The following SERGEF variants were observed in gnomAD, a reference collection of about 807,000 sequenced individuals.
The protein encoded by SERGEF is secretion regulating guanine nucleotide exchange factor, also known as secretion-regulating guanine nucleotide exchange factor.
SERGEF carries 51 observed loss-of-function variants against 50.0 expected under a neutral mutation model. The ratio of observed to expected loss-of-function variants is 1.02; its 90% CI spans 0.81 to 1.29. SERGEF has a LOEUF of 1.29. Among genes scored for constraint, SERGEF ranks in the 50% most tolerant of loss-of-function variants. The pLI, the probability that SERGEF is intolerant of heterozygous loss-of-function variation, is 0.00. For synonymous variants in SERGEF, 205 were observed against 212.4 expected (o/e 0.97, Z 0.30); for missense variants, 521 against 557.0 (o/e 0.94, Z 0.65).
chr11:17,889,397 C>G (rs189974193), intron 9 of SERGEF, among the ~76,000 whole-genome samples: 5 of 152,190 alleles, frequency 3.3e-5, no homozygotes, highest in East Asian at 1.9e-4. Context: ...GACACAACAT[C>G]ACTTATTTAG....
At chr11:17,933,484 A>C (rs1852392309) in intron 9 of SERGEF, among the ~76,000 whole-genome samples, 1 of 152,184 alleles carries the variant, frequency 6.6e-6, no homozygotes, top group Admixed American at 6.5e-5. Flanking sequence ...TAACATGCTC[A>C]GTCACTACTA....
At chr11:17,914,627 A>G (rs2133933420) in intron 9 of SERGEF, among the ~76,000 whole-genome samples, 1 of 152,234 alleles carries the variant, frequency 6.6e-6, no homozygotes, top group East Asian at 1.9e-4. Context: ...AGAAAGAGTG[A>G]GAGAAACTCA....
chr11:17,828,234 T>C (rs1850235182), intron 10 of SERGEF, among the ~76,000 whole-genome samples: 1 of 152,204 alleles, frequency 6.6e-6, no homozygotes, highest in Admixed American at 6.5e-5. Flanking sequence ...GAGTGTGTGT[T>C]TGTGGCCTCT....
At chr11:17,853,138 C>G (rs1302695170) in intron 10 of SERGEF, among the ~76,000 whole-genome samples, 1 of 152,124 alleles carries the variant, frequency 6.6e-6, no homozygotes, top group African/African-American at 2.4e-5. Context: ...GATTTCCTCA[C>G]TTGTAAAACA....
At chr11:17,818,335 AT>A (rs1356002814) in intron 10 of SERGEF, among the ~76,000 whole-genome samples, 1 of 152,154 alleles carries the variant, frequency 6.6e-6, no homozygotes, top group Non-Finnish European at 1.5e-5. Context: ...AAGCAAATAT[AT>A]TTTCCTTTTT....
intron 9 of SERGEF, among the ~76,000 whole-genome samples, chr11:17,910,369 C>G (rs1851928888): frequency 6.6e-6 from 1 of 152,180 alleles, no homozygotes; most frequent in Non-Finnish European, 1.5e-5. Flanking sequence ...CTGCCTCAAC[C>G]TCCCGAGTAG....
rs137958803 is a variant in SERGEF at position 17,944,117 on chromosome 11, C to T, written c.1011+15353G>A. ...TAATTTTTTATATTTTTAGTAGAGA[C>T]GGGGTTTCGTCGTGTTAGCCAGGAT... On this transcript the variant is annotated intron_variant, in intron 9 of 10. Coordinates refer to ENST00000265965, the MANE Select transcript of SERGEF (RefSeq NM_012139.4). Among the ~76,000 whole-genome samples, 705 of 152,058 alleles carry T rather than the reference C, an allele frequency of 4.6e-3. 10 individuals are homozygous for T. The highest frequency in any genetic ancestry group is 4.5e-3 in the Non-Finnish European group (306 of 67,954).
chr11:18,011,947 CAACT>C (rs1359054658), intron 1 of SERGEF, among the ~76,000 whole-genome samples: 1 of 152,180 alleles, frequency 6.6e-6, no homozygotes, highest in Non-Finnish European at 1.5e-5. Flanking sequence ...AAAAATTGGA[CAACT>C]AATACTGATT....
At chr11:18,012,411 C>T in intron 1 of SERGEF, 1 of 855,850 alleles carries the variant, frequency 1.2e-6, no homozygotes, top group Non-Finnish European at 1.4e-6. Context: ...CAGCCCAACT[C>T]CCCCAACACA....
intron 9 of SERGEF, among the ~76,000 whole-genome samples, chr11:17,959,149 G>A (rs540103173): frequency 7.6e-4 from 115 of 152,284 alleles, no homozygotes; most frequent in African/African-American, 2.6e-3. Flanking sequence ...GATTACAGGC[G>A]TGAGCCACCG....
At chr11:17,820,243 T>C (rs1850053953) in intron 10 of SERGEF, among the ~76,000 whole-genome samples, 2 of 144,424 alleles carry the variant, frequency 1.4e-5, no homozygotes, top group Admixed American at 1.4e-4. Flanking sequence ...CCATCCCCAC[T>C]GCCCTCCCTC....
In SERGEF at chr11:17,821,074, C is replaced by A. The variant is rs368741497; in HGVS notation, c.1049-32661G>T. Among the ~76,000 whole-genome samples the A allele has an allele frequency of 1.2e-4, 19 of 152,088 alleles. No individual in the cohort carries two copies. The East Asian group carries it at 1.5e-3, about 12-fold the overall frequency. ...AGAGAAGGCCACGTGAAGACAGAGG[C>A]AGGGTCAGGGTTTTTGCAGCCACAA... On this transcript the variant is annotated intron_variant, in intron 10 of 10. Transcript: ENST00000265965.
intron 9 of SERGEF, among the ~76,000 whole-genome samples, chr11:17,899,895 G>T (rs1268196279): frequency 2.6e-5 from 4 of 151,560 alleles, no homozygotes; most frequent in Non-Finnish European, 5.9e-5. Flanking sequence ...GTTCAAGGCT[G>T]CAGAGAGCTA....
At chr11:17,847,348 T>TG (rs1466525175) in intron 10 of SERGEF, among the ~76,000 whole-genome samples, 1 of 151,862 alleles carries the variant, frequency 6.6e-6, no homozygotes, top group South Asian at 2.1e-4. Flanking sequence ...TTCCTTTATT[T>TG]GGGGGGAAGG....
chr11:17,815,381 CT>C (rs1457645514), intron 10 of SERGEF, among the ~76,000 whole-genome samples: 1 of 143,822 alleles, frequency 7.0e-6, no homozygotes, highest in African/African-American at 2.6e-5. Context: ...GGCAGATCAC[CT>C]GAGGTCAGGA....
At chr11:17,789,079 T>C (rs923167275) in intron 10 of SERGEF, among the ~76,000 whole-genome samples, 1 of 152,246 alleles carries the variant, frequency 6.6e-6, no homozygotes, top group Non-Finnish European at 1.5e-5. Context: ...TGGCTTGTTT[T>C]CTGTTCCTTA....
At chr11:18,005,206 T>C (rs966106169) in intron 3 of SERGEF, among the ~76,000 whole-genome samples, 3 of 152,222 alleles carry the variant, frequency 2.0e-5, no homozygotes, top group African/African-American at 7.2e-5. Context: ...AAGAGCATTA[T>C]CTACTGACTC....
At position 17,988,633 on chromosome 11, in the gene SERGEF, T is replaced by G; in HGVS notation, c.808A>C (p.Ile270Leu). 6.2e-7 allele frequency: 1 copy of G among 1,614,184 alleles called. No individual in the cohort carries two copies. Among genetic ancestry groups the G allele is most frequent in the African/African-American group, 1.3e-5 (1 of 75,072 alleles). ...ACCAGGTGTGTCCATCCACTCCAGA[T>G]GGCAGTGACCTTTTCATTCTGGAAA... ...HCFQNEKVTA[I>L]WSGWTHLVAQ... Residue 270 changes from isoleucine to leucine, a missense_variant, in exon 8 of 11, where the codon ATC (isoleucine) becomes CTC (leucine). Physicochemically the swap from Ile to Leu is conservative, Grantham distance 5. Coordinates refer to ENST00000265965, the MANE Select transcript of SERGEF (RefSeq NM_012139.4).
At chr11:17,883,828 T>C (rs1851378996) in intron 9 of SERGEF, among the ~76,000 whole-genome samples, 1 of 152,154 alleles carries the variant, frequency 6.6e-6, no homozygotes, top group African/African-American at 2.4e-5. Context: ...TCCAGGGATA[T>C]TTCTTAGGGG....
Sources: allele counts gnomAD v4.1 joint callset (sites outside exome capture counted in the v4.1 genomes callset), GRCh38; gene constraint gnomAD v4.1.1; transcripts MANE v1.5; gene names NCBI Gene and HGNC (gene_info 2026-07-23, HGNC 2026-07-21).